The following RRP15 variants were observed in gnomAD, a reference collection of about 807,000 sequenced individuals.
RRP15 encodes ribosomal RNA processing 15 homolog.
Under a neutral mutation model 27.1 loss-of-function variants are expected in RRP15, and 18 were observed. That is an observed-to-expected ratio of 0.66 (90% CI 0.46 to 0.98). The LOEUF (loss-of-function observed/expected upper bound fraction) is 0.98. Ranked by LOEUF, RRP15 falls within the 50% of genes least tolerant of loss-of-function variation. The probability of loss-of-function intolerance (pLI) is 0.00; values close to 1 mark genes in which losing one functional copy is unlikely to be tolerated. For missense variants in RRP15, 359 were observed against 337.8 expected (o/e 1.06, Z -0.49); for synonymous variants, 107 against 109.4 (o/e 0.98, Z 0.14).
intron 2 of RRP15, among the ~76,000 whole-genome samples, chr1:218,304,366 T>C (rs1655860610): frequency 6.6e-6 from 1 of 152,208 alleles, no homozygotes; most frequent in African/African-American, 2.4e-5. Context: ...CAGGATACTA[T>C]TTAAAGACAA....
chr1:218,298,973 G>A (rs1316906577), intron 1 of RRP15, among the ~76,000 whole-genome samples: 1 of 152,076 alleles, frequency 6.6e-6, no homozygotes, highest in African/African-American at 2.4e-5. Flanking sequence ...TTACTTGTCT[G>A]GTGATTTCCG....
intron 4 of RRP15, among the ~76,000 whole-genome samples, chr1:218,311,625 T>C (rs1341515547): frequency 6.6e-6 from 1 of 152,236 alleles, no homozygotes; most frequent in Non-Finnish European, 1.5e-5. Flanking sequence ...TTTTGCAACA[T>C]TGCTTTATCC....
chr1:218,332,292 A>G lies in RRP15; in HGVS notation c.*1201A>G, dbSNP rs538517597. On this transcript the variant is annotated 3_prime_UTR_variant, in exon 5 of 5. Transcript: ENST00000366932. ...CATCCAATTTGAGACTTGATTCCAT[A>G]TTATTGCCTTAAAGGCTATTAAATT... The G allele has an allele frequency of 6.6e-6, 1 of 152,350 alleles. No homozygotes were observed. Among genetic ancestry groups the G allele is most frequent in the East Asian group, 1.9e-4 (1 of 5,192 alleles). The allele number at this position is 152,350 out of a possible 1,614,324, so 9.4% of individuals were successfully genotyped here.
chr1:218,323,525 A>G (rs897850926), intron 4 of RRP15, among the ~76,000 whole-genome samples: 1 of 151,946 alleles, frequency 6.6e-6, no homozygotes, highest in Admixed American at 6.6e-5. Context: ...ACAAGTTCCC[A>G]CTCTGGTCCC....
In RRP15 at chr1:218,302,361, T is replaced by A; in HGVS notation, c.207T>A (p.Gly69=). The part of the protein sequence containing the change: ...DDDAIEADSE[G]DAEPCDKENE... ...ACGCAATAGAAGCTGACAGTGAGGGTGATGCTGAGCCCTGTGACAAAGAAA... is the reference window on the plus strand; with the variant it reads ...ACGCAATAGAAGCTGACAGTGAGGGAGATGCTGAGCCCTGTGACAAAGAAA... Residue 69 remains glycine (G), a synonymous_variant, in exon 2 of 5, where the codon GGT becomes GGA. Coordinates refer to ENST00000366932, the MANE Select transcript of RRP15 (RefSeq NM_016052.4). 6.2e-7 allele frequency: 1 copy of A among 1,613,966 alleles called. No individual in the cohort carries two copies. The highest frequency in any genetic ancestry group is 8.5e-7 in the Non-Finnish European group (1 of 1,179,980).
In RRP15 at chr1:218,314,907, G is replaced by T. The variant is rs979653284; in HGVS notation, c.705+7275G>T. ...CTTGGGAGGCTGAGGCAGGAGAATC[G>T]CTTGAACCTGGGAGATGGAGGTAGC... On this transcript the variant is annotated intron_variant, in intron 4 of 4. Coordinates refer to ENST00000366932, the MANE Select transcript of RRP15 (RefSeq NM_016052.4). Among the ~76,000 whole-genome samples the T allele has an allele frequency of 3.3e-4, 49 of 150,412 alleles. 1 individual carries two copies. Among genetic ancestry groups the T allele is most frequent in the African/African-American group, 1.2e-3 (48 of 40,776 alleles).
rs530871314 is a variant in RRP15 at position 218,310,340 on chromosome 1, C to T, written c.705+2708C>T. ...AAATTGGAGGCCACCCACATATAAA[C>T]TAGATTTCACTGGCAGCCATCTATC... On this transcript the variant is annotated intron_variant, in intron 4 of 4. Coordinates refer to ENST00000366932, the MANE Select transcript of RRP15 (RefSeq NM_016052.4). 1.4e-4 allele frequency among the ~76,000 whole-genome samples: 21 copies of T among 151,456 alleles called. No individual in the cohort carries two copies. The East Asian group carries it at 4.0e-3, about 29-fold the overall frequency.
rs142519113 is a variant in RRP15 at position 218,295,321 on chromosome 1, C to T, written c.140-6973C>T. On this transcript the variant is annotated intron_variant, in intron 1 of 4. Transcript: ENST00000366932. ...GTCTTGGGACAGGGTGCGGGGGAAG[C>T]GTCTGTTGTCTGTAAATCAACCCAG... Among the ~76,000 whole-genome samples the T allele has an allele frequency of 4.8e-3, 737 of 152,240 alleles. 5 individuals are homozygous for T. The highest frequency in any genetic ancestry group is 0.016 in the African/African-American group (666 of 41,542).
chr1:218,308,094 T>C (rs1201058395), intron 4 of RRP15, among the ~76,000 whole-genome samples: 1 of 120,246 alleles, frequency 8.3e-6, no homozygotes, highest in African/African-American at 3.3e-5. Context: ...TTTTTTTTGA[T>C]GGAGTCTTGC....
intron 4 of RRP15, among the ~76,000 whole-genome samples, chr1:218,310,679 A>G (rs1265420547): frequency 6.6e-6 from 1 of 152,180 alleles, no homozygotes; most frequent in African/African-American, 2.4e-5. Context: ...TCTTCAAGGT[A>G]TAAGAAACAG....
At chr1:218,326,954 A>G (rs1276412667) in intron 4 of RRP15, among the ~76,000 whole-genome samples, 1 of 152,220 alleles carries the variant, frequency 6.6e-6, no homozygotes. Context: ...AGTCCCTGAT[A>G]CATACTGCCA....
At chr1:218,323,624 G>T (rs548296946) in intron 4 of RRP15, among the ~76,000 whole-genome samples, 31 of 152,322 alleles carry the variant, frequency 2.0e-4, no homozygotes, top group African/African-American at 7.5e-4. Flanking sequence ...CTACCCAGAA[G>T]CCTGTCTGCT....
At chr1:218,294,458 G>A (rs747886589) in intron 1 of RRP15, among the ~76,000 whole-genome samples, 1 of 152,076 alleles carries the variant, frequency 6.6e-6, no homozygotes, top group Non-Finnish European at 1.5e-5. Flanking sequence ...ATTTTCTAGA[G>A]CAACTCACAG....
At chr1:218,287,986 A>G (rs1012734055) in intron 1 of RRP15, among the ~76,000 whole-genome samples, 5 of 152,216 alleles carry the variant, frequency 3.3e-5, no homozygotes, top group Admixed American at 6.5e-5. Context: ...CTTAAAATTC[A>G]TGGCCTATTT....
At chr1:218,306,571 G>C (rs903301680) in intron 3 of RRP15, among the ~76,000 whole-genome samples, 1 of 152,168 alleles carries the variant, frequency 6.6e-6, no homozygotes, top group African/African-American at 2.4e-5. Flanking sequence ...GGAAGAGGCA[G>C]ATTGCCTCTT....
rs1245918209 is a variant in RRP15 at position 218,319,716 on chromosome 1, A to C, written c.706-11232A>C. ...AGATGCAGCTTTGTTTTGTTTATAT[A>C]GCATTTCATAGTTTTGCAAAGCACT... On this transcript the variant is annotated intron_variant, in intron 4 of 4. Coordinates refer to ENST00000366932, the MANE Select transcript of RRP15 (RefSeq NM_016052.4). Among the ~76,000 whole-genome samples, 3 of 152,186 alleles carry C rather than the reference A, an allele frequency of 2.0e-5. No individual in the cohort carries two copies. In the East Asian group the frequency reaches 5.8e-4, roughly 29 times the overall value.
chr1:218,302,283 T>C lies in RRP15; in HGVS notation c.140-11T>C. The stretch of plus-strand genomic sequence containing the variant: ...TAAAGTTTAATTTGCCTTTACTCTT[T>C]GGTTCTATAGGAAGCTGTGGATCGG... On this transcript the variant is annotated splice_polypyrimidine_tract_variant and intron_variant, in intron 1 of 4. Transcript: ENST00000366932. 2.5e-6 allele frequency: 4 copies of C among 1,602,954 alleles called. No homozygotes were observed. The highest frequency in any genetic ancestry group is 3.4e-6 in the Non-Finnish European group (4 of 1,172,488).
chr1:218,316,206 T>A (rs1441821137), intron 4 of RRP15, among the ~76,000 whole-genome samples: 2 of 152,196 alleles, frequency 1.3e-5, no homozygotes, highest in Non-Finnish European at 2.9e-5. Context: ...TAAGAACTAG[T>A]TATTACAGAA....
chr1:218,301,904 C>T (rs757541093), intron 1 of RRP15: 8 of 163,548 alleles, frequency 4.9e-5, no homozygotes, highest in Non-Finnish European at 6.6e-5. Flanking sequence ...GTTTTAATAA[C>T]CTTCATTAGC....
Sources: allele counts gnomAD v4.1 joint callset (sites outside exome capture counted in the v4.1 genomes callset), GRCh38; gene constraint gnomAD v4.1.1; transcripts MANE v1.5; gene names NCBI Gene and HGNC (gene_info 2026-07-23, HGNC 2026-07-21).